The following PIK3R1 variants were observed in gnomAD, a reference collection of about 807,000 sequenced individuals.
PIK3R1 encodes the protein phosphatidylinositol 3-kinase regulatory subunit alpha.
In PIK3R1, 29 loss-of-function variants were observed where a neutral mutation model predicts 98.0. That is an observed-to-expected ratio of 0.30 (90% confidence interval 0.22 to 0.40). PIK3R1 has a LOEUF of 0.40. Ranked by LOEUF, PIK3R1 falls within the 10% of genes least tolerant of loss-of-function variation. The pLI, the probability that PIK3R1 is intolerant of heterozygous loss-of-function variation, is 1.00. For missense variants in PIK3R1, 596 were observed against 872.7 expected (o/e 0.68, Z 3.99); for synonymous variants, 282 against 311.8 (o/e 0.90, Z 1.01).
chr5:68,267,788 G>A (rs573446928), intron 2 of PIK3R1, among the ~76,000 whole-genome samples: 1 of 152,210 alleles, frequency 6.6e-6, no homozygotes, highest in Non-Finnish European at 1.5e-5. Context: ...TTTGGGGAAA[G>A]TATGATAAAT....
At chr5:68,232,543 T>C (rs1744522304) in intron 2 of PIK3R1, among the ~76,000 whole-genome samples, 1 of 152,158 alleles carries the variant, frequency 6.6e-6, no homozygotes, top group African/African-American at 2.4e-5. Context: ...GTCTGTTATT[T>C]GAAGGGAATC....
At chr5:68,221,866 T>C (rs1744103221) in intron 1 of PIK3R1, among the ~76,000 whole-genome samples, 1 of 152,242 alleles carries the variant, frequency 6.6e-6, no homozygotes, top group Admixed American at 6.5e-5. Context: ...TTAATGGGAT[T>C]GCAGGCAGTC....
At chr5:68,228,260 G>C (rs1293406119) in intron 2 of PIK3R1, among the ~76,000 whole-genome samples, 2 of 152,148 alleles carry the variant, frequency 1.3e-5, no homozygotes, top group Non-Finnish European at 2.9e-5. Flanking sequence ...AAGACAATGA[G>C]AACAGAGAAA....
At chr5:68,241,280 A>G (rs1428191891) in intron 2 of PIK3R1, among the ~76,000 whole-genome samples, 1 of 152,168 alleles carries the variant, frequency 6.6e-6, no homozygotes, top group Middle Eastern at 3.2e-3. Context: ...AGTTTTAGTA[A>G]AACCCCAGTG....
chr5:68,301,601 A>G lies in PIK3R1; in HGVS notation c.*4000A>G, dbSNP rs1319417479. 6.4e-6 allele frequency: 1 copy of G among 156,978 alleles called. No homozygotes were observed. The highest frequency in any genetic ancestry group is 2.5e-5 in the African/African-American group (1 of 39,374). The allele number at this position is 156,978 out of a possible 1,614,324, so 9.7% of individuals were successfully genotyped here. A position where few individuals can be genotyped will look rare whatever the true frequency, so the allele number is the denominator to read the frequency against. On this transcript the variant is annotated 3_prime_UTR_variant, in exon 16 of 16. Transcript: ENST00000521381. ...TCAATGTTTTTAAAAATCTGTTTAT[A>G]TGACATTGTTAAAATAAAGTTGGTC...
chr5:68,248,032 C>G (rs959135074), intron 2 of PIK3R1, among the ~76,000 whole-genome samples: 2 of 151,364 alleles, frequency 1.3e-5, no homozygotes, highest in Admixed American at 6.6e-5. Flanking sequence ...TGCTCTGCTG[C>G]CCAGGCTGGA....
chr5:68,296,470 GT>G (rs1374546954), intron 15 of PIK3R1, 129 bp downstream of exon 15: 5 of 849,514 alleles, frequency 5.9e-6, no homozygotes, highest in African/African-American at 1.7e-5. Flanking sequence ...GTACAATAAT[GT>G]AGAAGAGAAA....
chr5:68,237,458 C>G (rs1418877637), intron 2 of PIK3R1, among the ~76,000 whole-genome samples: 1 of 152,040 alleles, frequency 6.6e-6, no homozygotes, highest in Non-Finnish European at 1.5e-5. Flanking sequence ...GGGAAAGGCA[C>G]AGGTGAATTT....
chr5:68,215,928 A>G lies in PIK3R1; in HGVS notation c.-408A>G, dbSNP rs2111910637. The G allele has an allele frequency of 6.5e-6, 1 of 153,156 alleles. No homozygotes were observed. Among genetic ancestry groups the G allele is most frequent in the South Asian group, 2.1e-4 (1 of 4,836 alleles). 9.5% of individuals were successfully genotyped at this position (153,156 alleles called of 1,614,324 possible). On this transcript the variant is annotated 5_prime_UTR_variant, in exon 1 of 16. Coordinates refer to ENST00000521381, the MANE Select transcript of PIK3R1 (RefSeq NM_181523.3). ...CACCGCTGCAGCGCGGGCCCCGCAG[A>G]GGAAGGAAGCCGGCGGGCGGGGTAG...
rs1217897852 is a variant in PIK3R1, at chr5:68,280,648, A to G, written c.755A>G (p.Gln252Arg). ...YLLKHFFKLS[Q>R]TSSKNLLNAR... ...TTAAAACATTTCTTCAAGCTCTCTC[A>G]AACCTCCAGCAAAAATCTGTTGAAT... The change falls in exon 6 of 16, where the codon CAA becomes CGA. Residue 252 changes from glutamine to arginine, a missense_variant. By Grantham distance (43) the Gln-to-Arg change is conservative (BLOSUM62 1). Around this residue, in one of 3 missense-constraint regions of PIK3R1, gnomAD observed 352 missense variants for 393.3 expected, o/e 0.90. Transcript: ENST00000521381. 1 of 1,613,998 alleles carries G rather than the reference A, an allele frequency of 6.2e-7. No homozygotes were observed. The highest frequency in any genetic ancestry group is 8.5e-7 in the Non-Finnish European group (1 of 1,179,994).
intron 3 of PIK3R1, 100 bp from the exon 4 acceptor site, chr5:68,273,839 G>T: frequency 1.1e-6 from 1 of 882,402 alleles, no homozygotes; most frequent in Non-Finnish European, 1.9e-6. Context: ...ATCTAGAACA[G>T]ATACTGGATG....
intron 1 of PIK3R1, among the ~76,000 whole-genome samples, chr5:68,220,118 T>C (rs940210900): frequency 6.6e-6 from 1 of 152,170 alleles, no homozygotes; most frequent in African/African-American, 2.4e-5. Flanking sequence ...ATAATGACTC[T>C]GTGGGCTGTA....
At chr5:68,228,747 G>A (rs1744371677) in intron 2 of PIK3R1, among the ~76,000 whole-genome samples, 1 of 151,932 alleles carries the variant, frequency 6.6e-6, no homozygotes, top group South Asian at 2.1e-4. Context: ...TTTAAAAGGT[G>A]GAATAAGGGC....
chr5:68,254,522 G>A (rs1580206441), intron 2 of PIK3R1, among the ~76,000 whole-genome samples: 1 of 152,096 alleles, frequency 6.6e-6, no homozygotes, highest in Non-Finnish European at 1.5e-5. Flanking sequence ...TAACCCCAAG[G>A]GTATCTTTAC....
intron 7 of PIK3R1, among the ~76,000 whole-genome samples, chr5:68,289,660 G>A (rs563226608): frequency 1.8e-4 from 26 of 142,280 alleles, no homozygotes; most frequent in African/African-American, 6.8e-4. Flanking sequence ...ATTATATGCA[G>A]AATGACTTTG....
At chr5:68,255,153 T>A (rs927511525) in intron 2 of PIK3R1, among the ~76,000 whole-genome samples, 3 of 152,370 alleles carry the variant, frequency 2.0e-5, no homozygotes, top group African/African-American at 7.2e-5. Flanking sequence ...TTTAGCAGCA[T>A]CTGATTTTCT....
intron 2 of PIK3R1, among the ~76,000 whole-genome samples, chr5:68,228,447 C>A (rs774841520): frequency 6.6e-6 from 1 of 152,142 alleles, no homozygotes; most frequent in Non-Finnish European, 1.5e-5. Flanking sequence ...CAAATAATAT[C>A]TTTTATTATA....
intron 8 of PIK3R1, 41 bp downstream of exon 8, chr5:68,292,402 AAAAG>A (rs1747445494): frequency 6.6e-7 from 1 of 1,515,210 alleles, no homozygotes; most frequent in South Asian, 1.1e-5. Flanking sequence ...GTTTTAGATT[AAAAG>A]AAAGAAAAGC....
intron 7 of PIK3R1, among the ~76,000 whole-genome samples, chr5:68,286,030 T>A (rs1250591417): frequency 2.6e-5 from 4 of 152,234 alleles, no homozygotes; most frequent in Admixed American, 6.5e-5. Flanking sequence ...GTTTTCTAGG[T>A]TGAAAGCTGC....
Sources: allele counts gnomAD v4.1 joint callset (sites outside exome capture counted in the v4.1 genomes callset), GRCh38; gene constraint gnomAD v4.1.1; regional missense constraint gnomAD v4.1.1; transcripts MANE v1.5; gene names NCBI Gene and HGNC (gene_info 2026-07-23, HGNC 2026-07-21).